ELF1: variants seen among roughly 807,000 people sequenced by gnomAD.
The protein encoded by ELF1 is ETS-related transcription factor Elf-1.
In ELF1, 24 loss-of-function variants were observed where a neutral mutation model predicts 59.9. The observed-to-expected ratio is 0.40, with a 90% confidence interval of 0.29 to 0.56. The LOEUF is 0.56. ELF1 is among the 20% of genes least tolerant of loss of function. ELF1 has a pLI of 0.44. For missense variants in ELF1, 627 were observed against 742.2 expected (o/e 0.84, Z 1.80); for synonymous variants, 248 against 266.2 (o/e 0.93, Z 0.67).
At chr13:41,044,635 G>A (rs1048575050) in intron 1 of ELF1, among the ~76,000 whole-genome samples, 10 of 152,132 alleles carry the variant, frequency 6.6e-5, no homozygotes, top group African/African-American at 1.7e-4. Context: ...GCATTCCCCC[G>A]GATGAAGCCC....
intron 2 of ELF1, among the ~76,000 whole-genome samples, chr13:40,968,500 A>G (rs564861980): frequency 6.6e-6 from 1 of 152,304 alleles, no homozygotes; most frequent in East Asian, 1.9e-4. Flanking sequence ...GGTTTCTACT[A>G]TTTCTAAATT....
At chr13:40,953,027 A>G (rs919658758) in intron 3 of ELF1, among the ~76,000 whole-genome samples, 8 of 142,462 alleles carry the variant, frequency 5.6e-5, no homozygotes, top group African/African-American at 7.9e-5. Flanking sequence ...CCCAGGCTGG[A>G]GTGCAATGGT....
intron 2 of ELF1, among the ~76,000 whole-genome samples, chr13:40,960,101 A>G (rs1279054588): frequency 1.2e-4 from 18 of 152,160 alleles, no homozygotes; most frequent in Non-Finnish European, 7.4e-5. Context: ...TGTTAGACAT[A>G]TTGCTTCTTA....
intron 5 of ELF1, among the ~76,000 whole-genome samples, chr13:40,946,474 T>C (rs1870516791): frequency 6.6e-6 from 1 of 152,212 alleles, no homozygotes; most frequent in Non-Finnish European, 1.5e-5. Context: ...TGGTAGTTTC[T>C]AGAGCTTTAT....
At chr13:41,058,029 A>G (rs1402047865) in intron 1 of ELF1, among the ~76,000 whole-genome samples, 1 of 152,122 alleles carries the variant, frequency 6.6e-6, no homozygotes, top group African/African-American at 2.4e-5. Flanking sequence ...TTAATATTCA[A>G]CTCCTAAACA....
intron 2 of ELF1, among the ~76,000 whole-genome samples, chr13:40,981,649 T>C (rs1041503403): frequency 2.6e-5 from 4 of 152,080 alleles, no homozygotes; most frequent in Non-Finnish European, 5.9e-5. Flanking sequence ...ATTAACCACA[T>C]ACATTAAAAG....
At chr13:40,941,460 A>G in intron 7 of ELF1, 90 bp from the exon 8 acceptor site, 1 of 1,237,742 alleles carries the variant, frequency 8.1e-7, no homozygotes, top group Non-Finnish European at 1.1e-6. Flanking sequence ...ACAAAACTTT[A>G]AAGTTGGAAT....
intron 1 of ELF1, among the ~76,000 whole-genome samples, chr13:41,056,160 C>G (rs1409034495): frequency 6.6e-6 from 1 of 152,170 alleles, no homozygotes; most frequent in Non-Finnish European, 1.5e-5. Flanking sequence ...GCAGTCACCT[C>G]ACCCCAAACC....
chr13:40,994,468 C>T (rs1023585009), intron 1 of ELF1, among the ~76,000 whole-genome samples: 2 of 152,064 alleles, frequency 1.3e-5, no homozygotes, highest in Non-Finnish European at 1.5e-5. Flanking sequence ...CATGGTGAAA[C>T]CTCGTCTCTA....
At chr13:40,934,098 C>T (rs1047811070) in intron 8 of ELF1, 70 bp from the exon 9 acceptor site, 16 of 1,521,082 alleles carry the variant, frequency 1.1e-5, no homozygotes, top group Non-Finnish European at 1.4e-5. Flanking sequence ...TAACACTTGA[C>T]AAGTCATTTT....
intron 2 of ELF1, among the ~76,000 whole-genome samples, chr13:40,970,368 T>C (rs1872456652): frequency 1.3e-5 from 2 of 152,130 alleles, no homozygotes; most frequent in South Asian, 2.1e-4. Flanking sequence ...AAGATTCTAA[T>C]ACAGGTCTCC....
At chr13:41,029,501 C>T (rs1876079734) in intron 1 of ELF1, among the ~76,000 whole-genome samples, 1 of 152,124 alleles carries the variant, frequency 6.6e-6, no homozygotes, top group Admixed American at 6.5e-5. Context: ...CTCACCTCAG[C>T]CTCCCGAGTA....
intron 2 of ELF1, among the ~76,000 whole-genome samples, chr13:40,979,535 C>G (rs1873134853): frequency 6.6e-6 from 1 of 152,284 alleles, no homozygotes; most frequent in South Asian, 2.1e-4. Flanking sequence ...AGGATGTTCA[C>G]TGCAATATTG....
intron 1 of ELF1, among the ~76,000 whole-genome samples, chr13:41,038,931 T>C (rs1159243981): frequency 1.4e-5 from 2 of 144,366 alleles, no homozygotes; most frequent in African/African-American, 5.2e-5. Context: ...CAGAATCGCC[T>C]GAACCTAGGA....
At chr13:40,975,492 TTTTA>T (rs1292597120) in intron 2 of ELF1, among the ~76,000 whole-genome samples, 1 of 152,180 alleles carries the variant, frequency 6.6e-6, no homozygotes, top group African/African-American at 2.4e-5. Flanking sequence ...ATTTAACACA[TTTTA>T]TTTATTTACA....
chr13:41,059,118 CTTAT>C (rs1257095220), intron 1 of ELF1, among the ~76,000 whole-genome samples: 2 of 152,336 alleles, frequency 1.3e-5, no homozygotes, highest in Non-Finnish European at 2.9e-5. Context: ...CACACTATTA[CTTAT>C]TTAAATGAAA....
intron 5 of ELF1, among the ~76,000 whole-genome samples, chr13:40,944,193 TTAAATTAC>T (rs1318921045): frequency 6.6e-6 from 1 of 152,190 alleles, no homozygotes; most frequent in Admixed American, 6.5e-5. Context: ...TGAAGTTAAT[TTAAATTAC>T]TATAGCTTGC....
intron 2 of ELF1, among the ~76,000 whole-genome samples, chr13:40,966,286 A>G (rs970910942): frequency 6.6e-6 from 1 of 152,242 alleles, no homozygotes; most frequent in African/African-American, 2.4e-5. Context: ...CAATTGTTTC[A>G]TAACTTTCTT....
rs1873317134 is a variant in ELF1 at position 40,982,249 on chromosome 13, T to TTTC, written c.-198_-196dup. The TTTC allele has an allele frequency of 7.9e-7, 1 of 1,270,804 alleles. No homozygotes were observed. Among genetic ancestry groups the TTTC allele is most frequent in the Admixed American group, 4.0e-5 (1 of 24,822 alleles). The allele number at this position is 1,270,804 out of a possible 1,614,324, so 78.7% of individuals were successfully genotyped here. A position where few individuals can be genotyped will look rare whatever the true frequency, so the allele number is the denominator to read the frequency against. On this transcript the variant is annotated 5_prime_UTR_variant, in exon 2 of 9. Coordinates refer to ENST00000239882, the MANE Select transcript of ELF1 (RefSeq NM_172373.4). ...ATATTCTAGTCAAATTGAGACAATT[T>TTTC]TTCTGAAATTTTTCTTCTCTCAAGC... is the stretch of plus-strand genomic sequence containing the variant.
Sources: gnomAD v4.1 joint callset for allele counts (sites outside exome capture counted in the v4.1 genomes callset) on GRCh38, gnomAD v4.1.1 for gene constraint, MANE v1.5 for transcripts, NCBI Gene and HGNC (gene_info 2026-07-23, HGNC 2026-07-21) for gene names.